JAKMIP3: variants seen among roughly 807,000 people sequenced by gnomAD.
The protein encoded by JAKMIP3 is Janus kinase and microtubule interacting protein 3.
Under a neutral mutation model 118.5 loss-of-function variants are expected in JAKMIP3, and 58 were observed. That is an observed-to-expected ratio of 0.49 (90% confidence interval 0.40 to 0.61). The LOEUF (loss-of-function observed/expected upper bound fraction) is 0.61. JAKMIP3 is among the 20% of genes least tolerant of loss of function. JAKMIP3 has a pLI of 0.00. For missense variants in JAKMIP3, 950 were observed against 1,109.0 expected (o/e 0.86, Z 2.04); for synonymous variants, 486 against 451.2 (o/e 1.08, Z -0.98).
rs574060795 is a variant in JAKMIP3, at chr10:132,107,631, G to A, written c.135+2688G>A. On this transcript the variant is annotated intron_variant, in intron 2 of 23. Coordinates refer to ENST00000684848, the MANE Select transcript of JAKMIP3 (RefSeq NM_001323087.2). The stretch of plus-strand genomic sequence containing the variant: ...CGATCTGAGCCCTGCCTCCTCAAGC[G>A]TAACTGACAGCATGCTGGATGCACA... Among the ~76,000 whole-genome samples, 7 of 152,338 alleles carry A rather than the reference G, an allele frequency of 4.6e-5. No individual in the cohort carries two copies. The South Asian group carries it at 1.0e-3, about 23-fold the overall frequency.
At chr10:132,111,807 G>C (rs528088939) in intron 2 of JAKMIP3, among the ~76,000 whole-genome samples, 49 of 152,054 alleles carry the variant, frequency 3.2e-4, no homozygotes, top group Non-Finnish European at 5.6e-4. Context: ...ATATTTTGAC[G>C]TGTTAAACAT....
intron 1 of JAKMIP3, among the ~76,000 whole-genome samples, chr10:132,091,817 A>T (rs931515003): frequency 6.6e-6 from 1 of 152,108 alleles, no homozygotes; most frequent in Non-Finnish European, 1.5e-5. Context: ...TGTCATTATG[A>T]TGTTAGTTGG....
intron 21 of JAKMIP3, among the ~76,000 whole-genome samples, chr10:132,165,915 G>T (rs1295399074): frequency 6.6e-6 from 1 of 152,264 alleles, no homozygotes; most frequent in Non-Finnish European, 1.5e-5. Context: ...GCCTTGCCGG[G>T]AGGGGACACA....
At chr10:132,150,536 C>G (rs1402736986) in intron 16 of JAKMIP3, among the ~76,000 whole-genome samples, 1 of 152,138 alleles carries the variant, frequency 6.6e-6, no homozygotes, top group Non-Finnish European at 1.5e-5. Context: ...CATTACTAAT[C>G]CTCTGCTCTC....
intron 1 of JAKMIP3, among the ~76,000 whole-genome samples, chr10:132,103,692 C>T (rs9419196): frequency 0.23 from 35,113 of 151,902 alleles, 4,703 homozygotes; most frequent in African/African-American, 0.38. Context: ...TACACCAGGT[C>T]CCTAGTGCCT....
rs1390093428 is a variant in JAKMIP3 at position 132,135,063 on chromosome 10, A to T, written c.872A>T (p.Asp291Val). Residue 291 changes from aspartate (D) to valine (V), a missense_variant, in exon 5 of 24, where the codon GAT (aspartate) becomes GTT (valine). Physicochemically the swap from Asp to Val is radical, Grantham distance 152. Coordinates refer to ENST00000684848, the MANE Select transcript of JAKMIP3 (RefSeq NM_001323087.2). The part of the protein sequence containing the change: ...GSPEQQLDEK[D>V]ARRFQLKIAE... ...TAGGAACAGCAGTTGGATGAAAAAG[A>T]TGCCCGGCGCTTCCAGCTTAAAATC... The T allele has an allele frequency of 7.4e-6, 12 of 1,613,652 alleles. No individual in the cohort carries two copies. The highest frequency in any genetic ancestry group is 9.3e-6 in the Non-Finnish European group (11 of 1,179,600).
rs139293239 is a variant in JAKMIP3, at chr10:132,171,905, C to T, written c.*1103+2872C>T. Among the ~76,000 whole-genome samples the T allele has an allele frequency of 7.7e-3, 1,177 of 152,218 alleles. 17 individuals carry two copies. Among genetic ancestry groups the T allele is most frequent in the African/African-American group, 0.026 (1,079 of 41,536 alleles). On this transcript the variant is annotated intron_variant, in intron 23 of 23. Transcript: ENST00000684848. ...TCCTGACCTCGTGATCTGCCTGCCT[C>T]GGCCTCCCAAAGTGCTGGGATTACA...
At chr10:132,166,009 A>G (rs1212962967) in intron 21 of JAKMIP3, among the ~76,000 whole-genome samples, 1 of 152,196 alleles carries the variant, frequency 6.6e-6, no homozygotes. Flanking sequence ...ACCTAAGGAT[A>G]TTTGTTTGTA....
chr10:132,077,776 G>C (rs894278936), intron 1 of JAKMIP3, among the ~76,000 whole-genome samples: 2 of 152,168 alleles, frequency 1.3e-5, no homozygotes, highest in African/African-American at 4.8e-5. Flanking sequence ...TCAGCCTCCA[G>C]AGTAGCTGGG....
intron 1 of JAKMIP3, among the ~76,000 whole-genome samples, chr10:132,089,120 A>G (rs975031049): frequency 6.6e-6 from 1 of 152,154 alleles, no homozygotes; most frequent in African/African-American, 2.4e-5. Flanking sequence ...GCCTTGTAGT[A>G]TAGTTTGAAG....
chr10:132,169,409 C>T (rs1333167789), intron 23 of JAKMIP3, among the ~76,000 whole-genome samples: 1 of 152,200 alleles, frequency 6.6e-6, no homozygotes, highest in African/African-American at 2.4e-5. Flanking sequence ...AACGTGGACG[C>T]CGCCCCACAC....
At chr10:132,097,901 C>T (rs2044138980) in intron 1 of JAKMIP3, among the ~76,000 whole-genome samples, 1 of 63,932 alleles carries the variant, frequency 1.6e-5, no homozygotes, top group African/African-American at 5.0e-5. Flanking sequence ...TTCCCCTTCC[C>T]CTTCCCCTTC....
At position 132,107,049 on chromosome 10, in the gene JAKMIP3, A is replaced by ATT. The variant is rs34703494; in HGVS notation, c.135+2122_135+2123dup. On this transcript the variant is annotated intron_variant, in intron 2 of 23. Transcript: ENST00000684848. ...CAGGTGTGCACCACCATGTCCGGCT[A>ATT]TTTTTTTTTTTTTTTTTAACTTTTT... Among the ~76,000 whole-genome samples the ATT allele has an allele frequency of 4.6e-3, 610 of 131,686 alleles. 1 individual carries two copies. Among genetic ancestry groups the ATT allele is most frequent in the South Asian group, 8.8e-3 (37 of 4,198 alleles). The allele number at this position is 131,686 out of a possible 152,430, so 86.4% of individuals were successfully genotyped here.
intron 1 of JAKMIP3, among the ~76,000 whole-genome samples, chr10:132,082,832 A>G (rs2041950873): frequency 1.3e-5 from 2 of 152,122 alleles, no homozygotes; most frequent in Admixed American, 1.3e-4. Context: ...GATGGTCTCG[A>G]TCTCTTGACC....
upstream of JAKMIP3, among the ~76,000 whole-genome samples, chr10:132,063,281 A>C (rs2038469734): frequency 6.6e-6 from 1 of 152,152 alleles, no homozygotes; most frequent in Non-Finnish European, 1.5e-5. Context: ...ACCCTGTGAC[A>C]CAAGTGAGGC....
intron 23 of JAKMIP3, among the ~76,000 whole-genome samples, chr10:132,175,334 A>C (rs1376624760): frequency 1.3e-5 from 2 of 152,142 alleles, no homozygotes; most frequent in Non-Finnish European, 2.9e-5. Flanking sequence ...ATGTCCACCC[A>C]AGAACATCCT....
chr10:132,114,363 C>T (rs144745019), intron 2 of JAKMIP3, among the ~76,000 whole-genome samples: 206 of 152,338 alleles, frequency 1.4e-3, no homozygotes, highest in African/African-American at 4.8e-3. Context: ...TACAGGCGTG[C>T]ATCACTGCAC....
chr10:132,071,802 T>TTC, intron 1 of JAKMIP3, among the ~76,000 whole-genome samples: 1 of 130,654 alleles, frequency 7.7e-6, no homozygotes, highest in African/African-American at 2.8e-5. Flanking sequence ...CTTCCTTCCT[T>TTC]CTTTCCTTTC....
intron 1 of JAKMIP3, among the ~76,000 whole-genome samples, chr10:132,066,389 T>C (rs1589733365): frequency 6.6e-6 from 1 of 152,154 alleles, no homozygotes; most frequent in Admixed American, 6.5e-5. Flanking sequence ...GCAGCCGTGG[T>C]GGGGTGGGTT....
Sources: allele counts gnomAD v4.1 joint callset (sites outside exome capture counted in the v4.1 genomes callset), GRCh38; gene constraint gnomAD v4.1.1; transcripts MANE v1.5; gene names NCBI Gene and HGNC (gene_info 2026-07-23, HGNC 2026-07-21).